LYPD6: variants seen among roughly 807,000 people sequenced by gnomAD.
LYPD6 encodes LY6/PLAUR domain containing 6, also known as ly6/PLAUR domain-containing protein 6.
A neutral mutation model predicts 22.7 loss-of-function variants in LYPD6; 15 were observed. The observed-to-expected ratio is 0.66, with a 90% confidence interval of 0.44 to 1.02. The LOEUF (loss-of-function observed/expected upper bound fraction) is 1.02. Ranked by LOEUF, LYPD6 falls within the 50% of genes least tolerant of loss-of-function variation. The pLI, the probability that LYPD6 is intolerant of heterozygous loss-of-function variation, is 0.00. For synonymous variants in LYPD6, 72 were observed against 77.5 expected, an observed-to-expected ratio of 0.93 and a Z score of 0.37; for missense variants, 189 against 208.4, an observed-to-expected ratio of 0.91 and a Z score of 0.57.
At chr2:149,465,389 G>A (rs941665443) in intron 3 of LYPD6, among the ~76,000 whole-genome samples, 1 of 152,144 alleles carries the variant, frequency 6.6e-6, no homozygotes, top group African/African-American at 2.4e-5. Context: ...ATGGGGGCAG[G>A]GAGAGAGCAG....
intron 1 of LYPD6, among the ~76,000 whole-genome samples, chr2:149,382,965 A>G (rs921867226): frequency 3.3e-4 from 50 of 152,282 alleles, no homozygotes; most frequent in Admixed American, 8.5e-4. Flanking sequence ...GGTCAGAATA[A>G]AAATTTCAAA....
intron 2 of LYPD6, among the ~76,000 whole-genome samples, chr2:149,442,652 A>G (rs970717446): frequency 2.0e-4 from 30 of 152,250 alleles, no homozygotes; most frequent in Admixed American, 8.5e-4. Context: ...TTTAAAAAAA[A>G]AAAAAAAACC....
intron 3 of LYPD6, chr2:149,464,065 T>C (rs1379133224): frequency 4.9e-6 from 2 of 405,802 alleles, no homozygotes; most frequent in Non-Finnish European, 9.7e-6. Context: ...TTAATATTCC[T>C]TACAAATGCA....
chr2:149,330,034 T>G (rs1680897126), upstream of LYPD6: 1 of 152,144 alleles, frequency 6.6e-6, no homozygotes, highest in Admixed American at 6.5e-5. Context: ...GAGCTTCACT[T>G]GCTCTTGAGC....
chr2:149,434,112 C>T (rs545199645), intron 1 of LYPD6, among the ~76,000 whole-genome samples: 1 of 152,210 alleles, frequency 6.6e-6, no homozygotes, highest in South Asian at 2.1e-4. Flanking sequence ...ACCATGATCA[C>T]TCTTAGTTCT....
chr2:149,335,420 A>G (rs575785381), intron 1 of LYPD6, among the ~76,000 whole-genome samples: 1 of 152,334 alleles, frequency 6.6e-6, no homozygotes, highest in Admixed American at 6.5e-5. Flanking sequence ...GGATTTGAAG[A>G]AAATAAGTTT....
chr2:149,466,542 T>G (rs1681204279), intron 3 of LYPD6, among the ~76,000 whole-genome samples: 1 of 152,186 alleles, frequency 6.6e-6, no homozygotes, highest in Non-Finnish European at 1.5e-5. Context: ...GTTTTGCATG[T>G]GTTCCTGAAA....
intron 1 of LYPD6, among the ~76,000 whole-genome samples, chr2:149,404,951 T>A (rs1682661304): frequency 6.6e-6 from 1 of 152,220 alleles, no homozygotes; most frequent in Non-Finnish European, 1.5e-5. Flanking sequence ...GAAGCGTTGT[T>A]GAATTTTGTC....
chr2:149,382,172 C>T (rs537336955), intron 1 of LYPD6, among the ~76,000 whole-genome samples: 2 of 152,090 alleles, frequency 1.3e-5, no homozygotes, highest in South Asian at 4.1e-4. Flanking sequence ...GGTTGCTTTC[C>T]AGCCCAAAAA....
intron 1 of LYPD6, among the ~76,000 whole-genome samples, chr2:149,363,617 G>A (rs1681609406): frequency 6.6e-6 from 1 of 152,200 alleles, no homozygotes. Context: ...CTCTGTAAAT[G>A]TGGGCAAGTC....
chr2:149,478,399 T>TGTGTGTGTGTGTGCGC (rs1491190671), downstream of LYPD6, among the ~76,000 whole-genome samples: 7 of 149,980 alleles, frequency 4.7e-5, no homozygotes, highest in African/African-American at 9.8e-5. Flanking sequence ...TGTGTGTGTG[T>TGTGTGTGTGTGTGCGC]GCGCGCACGC....
chr2:149,376,095 C>T (rs571165683), intron 1 of LYPD6, among the ~76,000 whole-genome samples: 10 of 152,234 alleles, frequency 6.6e-5, no homozygotes, highest in East Asian at 5.8e-4. Flanking sequence ...GCATGGAAAC[C>T]GCCTCAGAGC....
At chr2:149,441,101 G>A (rs1683558201) in intron 2 of LYPD6, among the ~76,000 whole-genome samples, 1 of 152,086 alleles carries the variant, frequency 6.6e-6, no homozygotes, top group Admixed American at 6.5e-5. Context: ...TTTTTAAATG[G>A]CGTGGTTCTA....
intron 3 of LYPD6, among the ~76,000 whole-genome samples, chr2:149,466,114 A>C (rs1393263374): frequency 6.6e-6 from 1 of 152,178 alleles, no homozygotes; most frequent in Non-Finnish European, 1.5e-5. Flanking sequence ...ACTCCAGTCC[A>C]GTGATAAGCC....
chr2:149,332,295 G>A (rs986144376), intron 1 of LYPD6, among the ~76,000 whole-genome samples: 1 of 152,248 alleles, frequency 6.6e-6, no homozygotes, highest in African/African-American at 2.4e-5. Context: ...ATTGTGAAAT[G>A]GTTCCTTGAG....
At chr2:149,483,798 T>G in the LYPD6 span, among the ~76,000 whole-genome samples, 1 of 152,068 alleles carries the variant, frequency 6.6e-6, no homozygotes, top group African/African-American at 2.4e-5. Context: ...TTTAGAAATT[T>G]TTGAAGTATA....
At chr2:149,349,091 C>A (rs749309765) in intron 1 of LYPD6, among the ~76,000 whole-genome samples, 1 of 151,896 alleles carries the variant, frequency 6.6e-6, no homozygotes, top group Non-Finnish European at 1.5e-5. Context: ...CAGGTGTGCA[C>A]ACCTTAGATT....
At chr2:149,439,734 C>G (rs1683514725) in intron 2 of LYPD6, among the ~76,000 whole-genome samples, 1 of 152,162 alleles carries the variant, frequency 6.6e-6, no homozygotes, top group Non-Finnish European at 1.5e-5. Context: ...GCCTTGCAAG[C>G]AGAGGGAAAT....
intron 1 of LYPD6, among the ~76,000 whole-genome samples, chr2:149,342,143 C>A (rs1431412965): frequency 6.6e-6 from 1 of 152,056 alleles, no homozygotes; most frequent in Admixed American, 6.6e-5. Flanking sequence ...CCTGAGTTGC[C>A]CATGACCTAG....
Sources: allele counts gnomAD v4.1 joint callset (sites outside exome capture counted in the v4.1 genomes callset), GRCh38; gene constraint gnomAD v4.1.1; transcripts MANE v1.5; gene names NCBI Gene and HGNC (gene_info 2026-07-23, HGNC 2026-07-21).